The following GRIA1 variants were observed in gnomAD, a reference collection of about 807,000 sequenced individuals.
The protein encoded by GRIA1 is glutamate receptor 1.
In GRIA1, 31 loss-of-function variants were observed where a neutral mutation model predicts 99.2. The observed-to-expected ratio is 0.31, with a 90% confidence interval of 0.23 to 0.42. The LOEUF is 0.42. GRIA1 is among the 10% of genes least tolerant of loss of function. GRIA1 has a pLI of 1.00. For synonymous variants in GRIA1, 438 were observed against 432.4 expected (o/e 1.01, Z -0.16); for missense variants, 782 against 1,157.5 (o/e 0.68, Z 4.71).
intron 11 of GRIA1, among the ~76,000 whole-genome samples, chr5:153,763,210 G>T (rs1483902649): frequency 6.6e-6 from 1 of 152,168 alleles, no homozygotes; most frequent in Non-Finnish European, 1.5e-5. Context: ...AAGTGTCAAG[G>T]GATGTAGGAA....
intron 11 of GRIA1, among the ~76,000 whole-genome samples, chr5:153,750,012 G>A (rs1333355891): frequency 6.6e-6 from 1 of 152,142 alleles, no homozygotes; most frequent in East Asian, 1.9e-4. Flanking sequence ...CCCATCTGGA[G>A]TGCTGGAACA....
At chr5:153,496,235 A>G (rs958401700) in intron 2 of GRIA1, among the ~76,000 whole-genome samples, 2 of 152,246 alleles carry the variant, frequency 1.3e-5, no homozygotes, top group African/African-American at 4.8e-5. Context: ...AATATGATAC[A>G]GACAATGTTG....
intron 2 of GRIA1, among the ~76,000 whole-genome samples, chr5:153,554,582 C>T (rs1490103546): frequency 6.6e-6 from 1 of 152,176 alleles, no homozygotes; most frequent in Non-Finnish European, 1.5e-5. Context: ...CAACCTCTGC[C>T]TCCCAGGTTC....
intron 10 of GRIA1, among the ~76,000 whole-genome samples, chr5:153,701,240 G>T (rs1005985367): frequency 6.6e-6 from 1 of 152,166 alleles, no homozygotes; most frequent in Non-Finnish European, 1.5e-5. Context: ...GCTCAGGCCA[G>T]CTGGAGTTAC....
intron 11 of GRIA1, among the ~76,000 whole-genome samples, chr5:153,707,098 G>A (rs1157338077): frequency 6.6e-6 from 1 of 151,998 alleles, no homozygotes; most frequent in Admixed American, 6.6e-5. Flanking sequence ...CAGCCTGGGT[G>A]ACAGAGTGAG....
intron 2 of GRIA1, among the ~76,000 whole-genome samples, chr5:153,544,306 G>A (rs976220489): frequency 6.6e-6 from 1 of 152,118 alleles, no homozygotes; most frequent in Admixed American, 6.6e-5. Context: ...CTGAAAGCAT[G>A]GTTCCTCTGG....
intron 2 of GRIA1, among the ~76,000 whole-genome samples, chr5:153,624,008 A>C (rs1218615631): frequency 1.3e-5 from 2 of 152,208 alleles, no homozygotes; most frequent in African/African-American, 4.8e-5. Flanking sequence ...CCTATGACTC[A>C]AAAGGGAAAC....
At chr5:153,594,124 T>G (rs1345334874) in intron 2 of GRIA1, among the ~76,000 whole-genome samples, 1 of 152,192 alleles carries the variant, frequency 6.6e-6, no homozygotes, top group Non-Finnish European at 1.5e-5. Context: ...TATTGTCCCT[T>G]CTCCTCCTCC....
intron 5 of GRIA1, among the ~76,000 whole-genome samples, chr5:153,671,699 T>A (rs1368569281): frequency 2.0e-5 from 3 of 152,248 alleles, no homozygotes; most frequent in Non-Finnish European, 4.4e-5. Context: ...GCTTTCTTTC[T>A]TGAGGAAAGT....
chr5:153,544,950 C>T (rs1480385327), intron 2 of GRIA1, among the ~76,000 whole-genome samples: 1 of 152,214 alleles, frequency 6.6e-6, no homozygotes, highest in East Asian at 1.9e-4. Context: ...CTGCTAGGAA[C>T]TGCCTCTGCA....
At chr5:153,710,024 T>A (rs1759196566) in intron 11 of GRIA1, among the ~76,000 whole-genome samples, 1 of 152,194 alleles carries the variant, frequency 6.6e-6, no homozygotes. Context: ...TGCCAGCGAA[T>A]GCTACTGAAA....
intron 2 of GRIA1, among the ~76,000 whole-genome samples, chr5:153,590,203 C>T (rs928202824): frequency 5.3e-5 from 8 of 150,544 alleles, no homozygotes; most frequent in South Asian, 2.1e-4. Context: ...CTTCAAAAAG[C>T]GTTCATAAAT....
intron 10 of GRIA1, among the ~76,000 whole-genome samples, chr5:153,704,673 C>T (rs965275887): frequency 1.3e-5 from 2 of 152,224 alleles, no homozygotes; most frequent in Non-Finnish European, 2.9e-5. Context: ...GTTCCCTCCT[C>T]CTGGAATGCT....
intron 2 of GRIA1, among the ~76,000 whole-genome samples, chr5:153,508,168 G>C (rs1456686938): frequency 6.6e-6 from 1 of 152,208 alleles, no homozygotes; most frequent in Admixed American, 6.5e-5. Context: ...TGGGTGGTCA[G>C]GGAGGACAGG....
At chr5:153,671,430 A>G (rs79935843) in intron 5 of GRIA1, among the ~76,000 whole-genome samples, 4 of 152,292 alleles carry the variant, frequency 2.6e-5, no homozygotes, top group African/African-American at 9.6e-5. Context: ...GCTTTTAACC[A>G]GTGCTGGGGT....
intron 11 of GRIA1, among the ~76,000 whole-genome samples, chr5:153,748,243 T>C (rs1049926274): frequency 2.6e-5 from 4 of 152,102 alleles, no homozygotes; most frequent in South Asian, 2.1e-4. Context: ...GAGTGGTGCA[T>C]ATGAAGAGGT....
chr5:153,743,291 C>T (rs1761936837), intron 11 of GRIA1, among the ~76,000 whole-genome samples: 1 of 152,154 alleles, frequency 6.6e-6, no homozygotes, highest in Non-Finnish European at 1.5e-5. Flanking sequence ...TAACCACAAA[C>T]TTAGTAGCTT....
intron 2 of GRIA1, among the ~76,000 whole-genome samples, chr5:153,563,790 C>G (rs891342577): frequency 6.6e-6 from 1 of 152,174 alleles, no homozygotes; most frequent in African/African-American, 2.4e-5. Flanking sequence ...AAACAAATGT[C>G]TGGGTTGCAG....
intron 5 of GRIA1, 45 bp downstream of exon 5, chr5:153,655,917 T>A: frequency 3.2e-6 from 5 of 1,567,038 alleles, no homozygotes; most frequent in Non-Finnish European, 4.4e-6. Flanking sequence ...CTTTCCAGGT[T>A]TGGGGCCCTA....
Sources: allele counts gnomAD v4.1 joint callset (sites outside exome capture counted in the v4.1 genomes callset), GRCh38; gene constraint gnomAD v4.1.1; transcripts MANE v1.5; gene names NCBI Gene and HGNC (gene_info 2026-07-23, HGNC 2026-07-21).